The following DYNC2H1 variants were observed in gnomAD, a reference collection of about 807,000 sequenced individuals.
DYNC2H1 encodes dynein cytoplasmic 2 heavy chain 1.
In DYNC2H1, 410 loss-of-function variants were observed where a neutral mutation model predicts 570.0. The observed-to-expected ratio is 0.72, with a 90% confidence interval of 0.66 to 0.78. The LOEUF is 0.78. Ranked by LOEUF, DYNC2H1 falls within the 30% of genes least tolerant of loss-of-function variation. DYNC2H1 has a pLI of 0.00. For synonymous variants in DYNC2H1, 1,688 were observed against 1,677.6 expected (o/e 1.01, Z -0.15); for missense variants, 4,865 against 5,046.4 (o/e 0.96, Z 1.09).
In DYNC2H1 at chr11:103,323,924, C is replaced by G; in HGVS notation, c.11973C>G (p.Asp3991Glu). The G allele has an allele frequency of 1.2e-6, 2 of 1,612,852 alleles. No individual in the cohort carries two copies. Among genetic ancestry groups the G allele is most frequent in the African/African-American group, 1.3e-5 (1 of 75,004 alleles). The part of the protein sequence containing the change: ...RAVIEKIPED[D>E]KPSFFGLPAN... ...TCATTGAGAAAATTCCAGAGGACGA[C>G]AAACCTAGTTTCTTTGGTCTGCCTG... The change falls in exon 82 of 89, where the codon GAC becomes GAG. Residue 3991 changes from aspartate to glutamate, a missense_variant. This residue lies in a region of DYNC2H1 where 2,401 missense variants were observed against 2,454.6 expected (regional missense o/e 0.98). Transcript: ENST00000375735.
At position 103,220,029 on chromosome 11, in the gene DYNC2H1, G is replaced by T; in HGVS notation, c.8946+1G>T. 1 of 1,404,518 alleles carries T rather than the reference G, an allele frequency of 7.1e-7. No individual in the cohort carries two copies. Among genetic ancestry groups the T allele is most frequent in the South Asian group, 1.4e-5 (1 of 69,032 alleles). 87.0% of individuals were successfully genotyped at this position (1,404,518 alleles called of 1,614,324 possible). ...TGATGATGAATTAAAAGAAGTACAA[G>T]TAAGTTAAAAAACATTCTAAGATCC... On this transcript the variant is annotated splice_donor_variant, in intron 56 of 88. Transcript: ENST00000375735. LOFTEE classifies it high-confidence loss of function.
chr11:103,374,821 A>C (rs1941325880), intron 83 of DYNC2H1, among the ~76,000 whole-genome samples: 1 of 152,220 alleles, frequency 6.6e-6, no homozygotes, highest in Admixed American at 6.5e-5. Flanking sequence ...AAAAGTTTGG[A>C]ACATTTGCAG....
At position 103,332,870 on chromosome 11, in the gene DYNC2H1, G is replaced by T. The variant is rs1266401883; in HGVS notation, c.12039+8880G>T. On this transcript the variant is annotated intron_variant, in intron 82 of 88. Transcript: ENST00000375735. ...TATAAAAAATTAGCCAGGTGTGGTGGCACACGCCTGTAATCGCAGCTGCTC... is the reference window on the plus strand; with the variant it reads ...TATAAAAAATTAGCCAGGTGTGGTGTCACACGCCTGTAATCGCAGCTGCTC... Among the ~76,000 whole-genome samples, 7 of 151,976 alleles carry T rather than the reference G, an allele frequency of 4.6e-5. No individual in the cohort carries two copies. In the East Asian group the frequency reaches 1.4e-3, roughly 29 times the overall value.
chr11:103,242,997 CTGA>C (rs1195876820), intron 63 of DYNC2H1, among the ~76,000 whole-genome samples: 4 of 152,012 alleles, frequency 2.6e-5, no homozygotes, highest in Non-Finnish European at 5.9e-5. Context: ...CACACCGGGC[CTGA>C]CTTCCTTTTT....
chr11:103,257,316 A>G (rs1182254381), intron 68 of DYNC2H1, among the ~76,000 whole-genome samples: 1 of 152,150 alleles, frequency 6.6e-6, no homozygotes, highest in Non-Finnish European at 1.5e-5. Flanking sequence ...GGTGAAATAA[A>G]TTTCTGCTAT....
intron 84 of DYNC2H1, among the ~76,000 whole-genome samples, chr11:103,433,808 A>G (rs917623267): frequency 5.3e-5 from 8 of 152,158 alleles, no homozygotes; most frequent in African/African-American, 1.7e-4. Context: ...ATAACCGCAT[A>G]AATATTGTTC....
Position 103,288,383 on chromosome 11 carries a change from C to T in DYNC2H1, c.11095+778C>T, listed in dbSNP as rs564154424. The stretch of plus-strand genomic sequence containing the variant: ...CTCCATCTTGCTTCTAACCTATAAG[C>T]TATCCTTGTTCATTCTTGGGCACAG... On this transcript the variant is annotated intron_variant, in intron 75 of 88. Transcript: ENST00000375735. 4.6e-5 allele frequency among the ~76,000 whole-genome samples: 7 copies of T among 152,208 alleles called. No homozygotes were observed. The East Asian group carries it at 1.4e-3, about 29-fold the overall frequency.
rs1793493 is a variant in DYNC2H1 at position 103,435,992 on chromosome 11, A to G, written c.12416A>G (p.Gln4139Arg). 1.2e-6 allele frequency: 2 copies of G among 1,612,670 alleles called. No homozygotes were observed. Among genetic ancestry groups the G allele is most frequent in the Admixed American group, 1.7e-5 (1 of 59,842 alleles). Residue 4139 changes from glutamine to arginine, a missense_variant, in exon 85 of 89, where the codon CAA becomes CGA. Transcript: ENST00000375735. ...TGGGAAGGCCCAGAAGATCCCTTAC[A>G]ATACCTGAGAGGTCTTGTTGCCCGT... ...SKWEGPEDPL[Q>R]YLRGLVARAL...
chr11:103,273,406 C>A (rs908928125), intron 70 of DYNC2H1, among the ~76,000 whole-genome samples: 1 of 152,100 alleles, frequency 6.6e-6, no homozygotes, highest in African/African-American at 2.4e-5. Context: ...CCAGGCTGGC[C>A]TCAAACTCGT....
In DYNC2H1 at chr11:103,331,525, C is replaced by T. The variant is rs185147864; in HGVS notation, c.12039+7535C>T. On this transcript the variant is annotated intron_variant, in intron 82 of 88. Coordinates refer to ENST00000375735, the MANE Select transcript of DYNC2H1 (RefSeq NM_001377.3). ...AAATCCAGCCCAACTCCTCATTTAA[C>T]ACAAATCCCTAAAGGCCTATCAGAA... 2.0e-5 allele frequency among the ~76,000 whole-genome samples: 3 copies of T among 152,332 alleles called. No individual in the cohort carries two copies. The East Asian group carries it at 5.8e-4, about 29-fold the overall frequency.
chr11:103,431,291 T>G (rs1390171861), intron 84 of DYNC2H1, among the ~76,000 whole-genome samples: 1 of 151,836 alleles, frequency 6.6e-6, no homozygotes, highest in East Asian at 1.9e-4. Flanking sequence ...GATTATAAAT[T>G]TAATTCCCAA....
rs922529705 is a variant in DYNC2H1, at chr11:103,161,202, C to T, written c.4491+158C>T. On this transcript the variant is annotated intron_variant, in intron 29 of 88. Coordinates refer to ENST00000375735, the MANE Select transcript of DYNC2H1 (RefSeq NM_001377.3). ...TAAAAATGATTTGTTTTGTTAGTTT[C>T]GGAGTATTTTGATATTAAAAAGAAT... 2.3e-4 allele frequency among the ~76,000 whole-genome samples: 35 copies of T among 151,982 alleles called. 1 individual carries two copies. The highest frequency in any genetic ancestry group is 1.0e-3 in the South Asian group (5 of 4,824).
chr11:103,287,456 G>T (rs1382820933), intron 74 of DYNC2H1, 77 bp from the exon 75 acceptor site: 49 of 1,130,574 alleles, frequency 4.3e-5, no homozygotes, highest in Non-Finnish European at 6.2e-5. Context: ...TGTTTAATTA[G>T]TTAACATTAA....
At chr11:103,344,004 T>C (rs1169002101) in intron 82 of DYNC2H1, among the ~76,000 whole-genome samples, 1 of 152,234 alleles carries the variant, frequency 6.6e-6, no homozygotes, top group African/African-American at 2.4e-5. Flanking sequence ...TAGAACAGTC[T>C]TCAGCAAAAC....
rs1472261463 is a variant in DYNC2H1 at position 103,283,981 on chromosome 11, C to T, written c.10890+896C>T. Reference sequence around the variant, plus strand: ...TTTAGTCAGGCTCTTGAACCTTCTTCTAGGCCCACCTGTGCACTTCCTTGT... The same window carrying T: ...TTTAGTCAGGCTCTTGAACCTTCTTTTAGGCCCACCTGTGCACTTCCTTGT... On this transcript the variant is annotated intron_variant, in intron 73 of 88. Transcript: ENST00000375735. 4.0e-5 allele frequency among the ~76,000 whole-genome samples: 6 copies of T among 151,084 alleles called. No individual in the cohort carries two copies. The East Asian group carries it at 5.9e-4, about 15-fold the overall frequency.
chr11:103,436,456 CAG>C (rs1182664548), intron 85 of DYNC2H1, among the ~76,000 whole-genome samples: 1 of 151,976 alleles, frequency 6.6e-6, no homozygotes, highest in Non-Finnish European at 1.5e-5. Flanking sequence ...ATAATATAGA[CAG>C]AGAAAGAGTG....
chr11:103,122,144 T>A (rs1394775187), intron 10 of DYNC2H1, among the ~76,000 whole-genome samples: 7 of 152,186 alleles, frequency 4.6e-5, no homozygotes, highest in Non-Finnish European at 1.0e-4. Flanking sequence ...GACCTAAGAC[T>A]CTTATGGACT....
chr11:103,214,443 C>CTTTT (rs1555071078), intron 54 of DYNC2H1, among the ~76,000 whole-genome samples: 1 of 51,994 alleles, frequency 1.9e-5, no homozygotes, highest in Non-Finnish European at 3.5e-5. Flanking sequence ...AGTACTTCTT[C>CTTTT]TTCTTTTTTT....
intron 73 of DYNC2H1, 101 bp from the exon 74 acceptor site, chr11:103,286,154 A>T: frequency 1.4e-6 from 2 of 1,431,404 alleles, no homozygotes; most frequent in Admixed American, 4.1e-5. Context: ...AGTAATAAAC[A>T]TCAACCAATA....
Sources: allele counts gnomAD v4.1 joint callset (sites outside exome capture counted in the v4.1 genomes callset), GRCh38; gene constraint gnomAD v4.1.1; regional missense constraint gnomAD v4.1.1; transcripts MANE v1.5; gene names NCBI Gene and HGNC (gene_info 2026-07-23, HGNC 2026-07-21).